EIF4G3: variants seen among roughly 807,000 people sequenced by gnomAD.
EIF4G3 encodes the protein eukaryotic translation initiation factor 4 gamma 3.
A neutral mutation model predicts 186.4 loss-of-function variants in EIF4G3; 34 were observed. The ratio of observed to expected loss-of-function variants is 0.18; its 90% CI spans 0.14 to 0.24. EIF4G3 has a LOEUF of 0.24. Ranked by LOEUF, EIF4G3 falls within the 10% of genes least tolerant of loss-of-function variation. The pLI is 1.00. For missense variants in EIF4G3, 1,536 were observed against 1,948.5 expected (o/e 0.79, Z 3.99); for synonymous variants, 673 against 679.5 (o/e 0.99, Z 0.15).
chr1:21,112,666 C>A (rs902367231), intron 2 of EIF4G3, among the ~76,000 whole-genome samples: 1 of 152,080 alleles, frequency 6.6e-6, no homozygotes, highest in Admixed American at 6.6e-5. Context: ...TCTAGATATA[C>A]CCAATTCCCA....
intron 14 of EIF4G3, among the ~76,000 whole-genome samples, chr1:20,930,242 G>A (rs1306156888): frequency 3.9e-5 from 6 of 152,098 alleles, no homozygotes; most frequent in Non-Finnish European, 8.8e-5. Context: ...AGTGGCTGTG[G>A]CAATTTCTTA....
intron 19 of EIF4G3, among the ~76,000 whole-genome samples, chr1:20,882,515 G>A (rs903790071): frequency 2.0e-5 from 3 of 150,972 alleles, no homozygotes; most frequent in Non-Finnish European, 4.4e-5. Flanking sequence ...CAACTACTCG[G>A]GAGGCTGAGG....
At chr1:21,149,622 G>A (rs2097519651) in intron 2 of EIF4G3, among the ~76,000 whole-genome samples, 1 of 152,072 alleles carries the variant, frequency 6.6e-6, no homozygotes, top group Non-Finnish European at 1.5e-5. Flanking sequence ...TTCCTCTTGG[G>A]AGTGGTCCAA....
rs112330550 is a variant in EIF4G3 at position 21,029,465 on chromosome 1, C to CG, written c.-67+21400dup. On this transcript the variant is annotated intron_variant, in intron 4 of 36. Transcript: ENST00000602326. Reference sequence around the variant, plus strand: ...AACTGGGAAGAAAGAGAAATTGAGTCGGGGGGGGGAAGGGAACTAGTGGGC... The same window carrying CG: ...AACTGGGAAGAAAGAGAAATTGAGTCGGGGGGGGGGAAGGGAACTAGTGGGC... 4.1e-3 allele frequency among the ~76,000 whole-genome samples: 588 copies of CG among 143,208 alleles called. 4 individuals are homozygous for CG. The highest frequency in any genetic ancestry group is 8.0e-3 in the East Asian group (37 of 4,618). The allele number at this position is 143,208 out of a possible 152,430, so 94.0% of individuals were successfully genotyped here. A position where few individuals can be genotyped will look rare whatever the true frequency, so the allele number is the denominator to read the frequency against.
rs756079574 is a variant in EIF4G3 at position 20,941,947 on chromosome 1, T to C, written c.1207A>G (p.Ile403Val). The C allele has an allele frequency of 2.5e-6, 4 of 1,614,180 alleles. No homozygotes were observed. In the South Asian group the frequency reaches 4.4e-5, roughly 18 times the overall value. The change falls in exon 14 of 37, where the codon ATT (isoleucine) becomes GTT (valine). Residue 403 changes from isoleucine (I) to valine (V), a missense_variant. Ile to Val is a conservative substitution (Grantham distance 29, BLOSUM62 3). Around this residue, in one of 11 missense-constraint regions of EIF4G3, gnomAD observed 560 missense variants for 547.8 expected, o/e 1.02. Coordinates refer to ENST00000602326, the MANE Select transcript of EIF4G3 (RefSeq NM_001391906.1). The part of the protein sequence containing the change: ...KKPCSVAPND[I>V]PLVSSTNLIN... ...AGGTTAGTACTAGAAACCAGTGGAATATCATTAGGTGCTACACTACAGGGT... is the reference window on the plus strand; with the variant it reads ...AGGTTAGTACTAGAAACCAGTGGAACATCATTAGGTGCTACACTACAGGGT...
At chr1:21,111,182 G>A (rs1350356900) in intron 2 of EIF4G3, 2 of 377,852 alleles carry the variant, frequency 5.3e-6, no homozygotes, top group Non-Finnish European at 1.1e-5. Flanking sequence ...TACATTTCAG[G>A]ACAAAATGAA....
At chr1:20,825,511 T>G (rs1294914258) in intron 32 of EIF4G3, among the ~76,000 whole-genome samples, 1 of 152,154 alleles carries the variant, frequency 6.6e-6, no homozygotes, top group Non-Finnish European at 1.5e-5. Context: ...ACTTTCAAAC[T>G]AAGATGTCTG....
chr1:20,886,403 A>G (rs763934858), intron 18 of EIF4G3, 32 bp from the exon 19 acceptor site: 1 of 1,600,212 alleles, frequency 6.2e-7, no homozygotes, highest in South Asian at 1.1e-5. Context: ...TATTCAGAGT[A>G]CTTACAATTT....
At chr1:21,081,737 G>A (rs1376547628) in intron 3 of EIF4G3, among the ~76,000 whole-genome samples, 1 of 151,066 alleles carries the variant, frequency 6.6e-6, no homozygotes, top group Non-Finnish European at 1.5e-5. Flanking sequence ...TGACTCCCGG[G>A]TTCAAGCAAT....
At chr1:20,939,081 C>T (rs1180483967) in intron 14 of EIF4G3, among the ~76,000 whole-genome samples, 9 of 141,508 alleles carry the variant, frequency 6.4e-5, no homozygotes, top group Non-Finnish European at 1.1e-4. Flanking sequence ...CACTCCAGCC[C>T]GGGCGATGGA....
At chr1:21,141,649 C>T (rs1029056246) in intron 2 of EIF4G3, among the ~76,000 whole-genome samples, 7 of 152,026 alleles carry the variant, frequency 4.6e-5, no homozygotes, top group South Asian at 2.1e-4. Flanking sequence ...TCTAATTAGG[C>T]CAGAAACAGT....
chr1:20,953,474 C>G (rs1384131212), intron 12 of EIF4G3, among the ~76,000 whole-genome samples: 2 of 152,122 alleles, frequency 1.3e-5, no homozygotes, highest in Non-Finnish European at 2.9e-5. Context: ...GTATTGACCT[C>G]AAGAGATCAT....
intron 12 of EIF4G3, among the ~76,000 whole-genome samples, chr1:20,965,530 C>T (rs556479128): frequency 7.6e-6 from 1 of 130,986 alleles, no homozygotes; most frequent in Non-Finnish European, 1.7e-5. Context: ...AATTGCTAAA[C>T]ATCTCTCCAA....
intron 3 of EIF4G3, among the ~76,000 whole-genome samples, chr1:21,062,631 C>T (rs2094982359): frequency 1.3e-5 from 2 of 152,018 alleles, no homozygotes; most frequent in Admixed American, 1.3e-4. Context: ...TACTCGTTGC[C>T]CAAGCTGGAG....
At chr1:21,106,991 T>C (rs1352066209) in intron 2 of EIF4G3, among the ~76,000 whole-genome samples, 2 of 152,200 alleles carry the variant, frequency 1.3e-5, no homozygotes, top group Non-Finnish European at 2.9e-5. Context: ...CGTGGGCTAC[T>C]GTACTCTATA....
intron 2 of EIF4G3, among the ~76,000 whole-genome samples, chr1:21,100,230 G>A (rs998549847): frequency 7.9e-5 from 12 of 152,114 alleles, no homozygotes; most frequent in Non-Finnish European, 1.5e-4. Flanking sequence ...GAGGGTGACT[G>A]CTAAAGGATC....
At chr1:21,136,650 TTAG>T (rs2102590389) in intron 2 of EIF4G3, among the ~76,000 whole-genome samples, 1 of 152,344 alleles carries the variant, frequency 6.6e-6, no homozygotes, top group Non-Finnish European at 1.5e-5. Flanking sequence ...CCCACACTTG[TTAG>T]TAGAGTAACT....
chr1:21,047,637 G>C (rs778526540), intron 4 of EIF4G3, among the ~76,000 whole-genome samples: 1 of 151,880 alleles, frequency 6.6e-6, no homozygotes, highest in East Asian at 1.9e-4. Flanking sequence ...TCCCTTCTTC[G>C]TGTTTCATAT....
intron 2 of EIF4G3, among the ~76,000 whole-genome samples, chr1:21,103,317 A>G (rs565439290): frequency 1.3e-4 from 20 of 152,298 alleles, no homozygotes; most frequent in South Asian, 1.0e-3. Context: ...CACTATTTAC[A>G]CAGCAAGGAG....
Sources: gnomAD v4.1 joint callset for allele counts (sites outside exome capture counted in the v4.1 genomes callset) on GRCh38, gnomAD v4.1.1 for gene constraint, gnomAD v4.1.1 regional missense constraint, MANE v1.5 for transcripts, NCBI Gene and HGNC (gene_info 2026-07-23, HGNC 2026-07-21) for gene names.